Variants in ZNF362 observed in about 807,000 individuals in gnomAD.
ZNF362 encodes the protein rotund homolog.
ZNF362 carries 11 observed loss-of-function variants against 42.9 expected under a neutral mutation model. The ratio of observed to expected loss-of-function variants is 0.26; its 90% confidence interval spans 0.16 to 0.42. The LOEUF (loss-of-function observed/expected upper bound fraction) is 0.42, where lower values mean the gene tolerates loss of function less well. ZNF362 is among the 20% of genes least tolerant of loss of function. The pLI is 1.00. For synonymous variants in ZNF362, 255 were observed against 257.3 expected, an observed-to-expected ratio of 0.99 and a Z score of 0.09; for missense variants, 362 against 576.2, an observed-to-expected ratio of 0.63 and a Z score of 3.81.
chr1:33,147,402 C>T, the ZNF362 span: 15 of 1,614,046 alleles, frequency 9.3e-6, no homozygotes, highest in African/African-American at 4.0e-5. This position sits in a 1 kb window ranked among gnomAD's most constrained non-coding sequence, Gnocchi z 8.1. Context: ...TCCAGGGCTC[C>T]GTGCAGGCGC....
intron 4 of ZNF362, among the ~76,000 whole-genome samples, chr1:33,277,532 C>T (rs1329036646): frequency 6.6e-6 from 1 of 152,186 alleles, no homozygotes; most frequent in Non-Finnish European, 1.5e-5. Context: ...GTTGAGAAAA[C>T]CGAGTCTGGC....
the ZNF362 span, chr1:33,164,235 C>G: frequency 6.6e-6 from 1 of 152,450 alleles, no homozygotes; most frequent in East Asian, 1.9e-4. Context: ...CCTGAGACCC[C>G]ACAGTGGGTT....
At chr1:33,254,032 T>TA (rs1645772967), upstream of ZNF362, among the ~76,000 whole-genome samples, 1 of 152,198 alleles carries the variant, frequency 6.6e-6, no homozygotes, top group African/African-American at 2.4e-5. Flanking sequence ...TAATTCTTGG[T>TA]AGATACTTTC....
At chr1:33,240,838 C>G in the ZNF362 span, among the ~76,000 whole-genome samples, 1 of 152,208 alleles carries the variant, frequency 6.6e-6, no homozygotes, top group East Asian at 1.9e-4. Context: ...CGTTTTCCCC[C>G]ATGCGTGACA....
the ZNF362 span, among the ~76,000 whole-genome samples, chr1:33,154,076 G>C: frequency 6.6e-6 from 1 of 152,246 alleles, no homozygotes; most frequent in Non-Finnish European, 1.5e-5. Context: ...GGATTGTGTA[G>C]AGGGCTGCAG....
intron 4 of ZNF362, among the ~76,000 whole-genome samples, chr1:33,277,928 TCC>T (rs1276457545): frequency 7.1e-6 from 1 of 141,768 alleles, no homozygotes; most frequent in East Asian, 2.0e-4. Flanking sequence ...CCTTTGTTCC[TCC>T]CCTGTCGCCC....
chr1:33,271,563 G>A (rs941458170), intron 2 of ZNF362, among the ~76,000 whole-genome samples: 3 of 152,240 alleles, frequency 2.0e-5, no homozygotes, highest in Admixed American at 6.5e-5. Flanking sequence ...CAAACAGAGC[G>A]GGCTGTTCCA....
At chr1:33,188,626 G>T in the ZNF362 span, among the ~76,000 whole-genome samples, 4 of 152,196 alleles carry the variant, frequency 2.6e-5, no homozygotes, top group Non-Finnish European at 5.9e-5. Context: ...CATGTCAAGA[G>T]CTCAGCCCTG....
the ZNF362 span, among the ~76,000 whole-genome samples, chr1:33,184,610 G>A: frequency 2.6e-5 from 4 of 152,138 alleles, no homozygotes; most frequent in African/African-American, 9.7e-5. Flanking sequence ...CTTCAAAAGG[G>A]CTGATGGAGC....
Position 33,284,945 on chromosome 1 carries a change from A to T in ZNF362, c.908+3134A>T, listed in dbSNP as rs187721195. Among the ~76,000 whole-genome samples the T allele has an allele frequency of 2.9e-3, 441 of 152,280 alleles. 4 individuals are homozygous for T. Among genetic ancestry groups the T allele is most frequent in the Admixed American group, 0.013 (192 of 15,292 alleles). On this transcript the variant is annotated intron_variant, in intron 6 of 8. Coordinates refer to ENST00000539719, the MANE Select transcript of ZNF362 (RefSeq NM_152493.3). ...GATGTCAACGTGGCAGCCTGTATGC[A>T]TTTGTCTTTTCTAGCTCAAAGCAGA...
the ZNF362 span, among the ~76,000 whole-genome samples, chr1:33,224,669 A>G: frequency 6.6e-6 from 1 of 152,242 alleles, no homozygotes; most frequent in African/African-American, 2.4e-5. Context: ...ACACATGGAC[A>G]TGTCTAAATT....
chr1:33,187,776 G>C, the ZNF362 span, among the ~76,000 whole-genome samples: 468 of 152,284 alleles, frequency 3.1e-3, no homozygotes, highest in African/African-American at 0.011. Flanking sequence ...AGGATCTCTG[G>C]TTCAACAGAG....
the ZNF362 span, chr1:33,165,502 T>C: frequency 5.0e-6 from 8 of 1,609,454 alleles, no homozygotes; most frequent in South Asian, 8.9e-5. The surrounding 1 kb of genome is among the most constrained non-coding windows in gnomAD (Gnocchi z 4.0). Context: ...CTTGAGCAGC[T>C]GCAGCGCTTC....
chr1:33,236,823 G>A, the ZNF362 span, among the ~76,000 whole-genome samples: 3 of 151,798 alleles, frequency 2.0e-5, no homozygotes, highest in Non-Finnish European at 4.4e-5. Context: ...GCTCACACCT[G>A]TAATCCCAGC....
chr1:33,193,004 C>CACACACACACATATATATATATATATAT, the ZNF362 span, among the ~76,000 whole-genome samples: 120 of 137,252 alleles, frequency 8.7e-4, no homozygotes, highest in South Asian at 6.0e-3. Context: ...CACACACACA[C>CACACACACACATATATATATATATATAT]ATATATATAT....
chr1:33,214,724 A>G, the ZNF362 span, among the ~76,000 whole-genome samples: 1 of 152,226 alleles, frequency 6.6e-6, no homozygotes, highest in African/African-American at 2.4e-5. Flanking sequence ...CCTACAAATG[A>G]TTGATAGGTG....
intron 1 of ZNF362, among the ~76,000 whole-genome samples, chr1:33,258,183 T>C (rs918225955): frequency 2.6e-5 from 4 of 152,214 alleles, no homozygotes; most frequent in Non-Finnish European, 5.9e-5. Flanking sequence ...CACTTTGGAC[T>C]TCGGTTAAGT....
chr1:33,141,395 T>C, the ZNF362 span, among the ~76,000 whole-genome samples: 5 of 152,126 alleles, frequency 3.3e-5, no homozygotes, highest in Non-Finnish European at 5.9e-5. Flanking sequence ...GACACTTGAG[T>C]ACTCATCTCA....
the ZNF362 span, chr1:33,158,227 C>G: frequency 2.5e-6 from 4 of 1,603,610 alleles, no homozygotes; most frequent in Non-Finnish European, 3.4e-6. Flanking sequence ...CCACCTAGCT[C>G]TGGACCATGA....
Sources: gnomAD v4.1 joint callset for allele counts (sites outside exome capture counted in the v4.1 genomes callset) on GRCh38, gnomAD v4.1.1 for gene constraint, Gnocchi (gnomAD v3.1) non-coding constraint, MANE v1.5 for transcripts, NCBI Gene and HGNC (gene_info 2026-07-23, HGNC 2026-07-21) for gene names.